Variants in AGAP3 observed in about 807,000 individuals in gnomAD.
AGAP3 encodes the protein ArfGAP with GTPase domain, ankyrin repeat and PH domain 3.
In AGAP3, 24 loss-of-function variants were observed where a neutral mutation model predicts 96.9. The ratio of observed to expected loss-of-function variants is 0.25; its 90% CI spans 0.18 to 0.35. The LOEUF (loss-of-function observed/expected upper bound fraction) is 0.35, where lower values mean the gene tolerates loss of function less well. Among genes scored for constraint, AGAP3 ranks in the 10% least tolerant of loss-of-function variants. The pLI is 1.00. For missense variants in AGAP3, 876 were observed against 1,254.2 expected (o/e 0.70, Z 4.55); for synonymous variants, 563 against 536.1 (o/e 1.05, Z -0.69).
intron 9 of AGAP3, among the ~76,000 whole-genome samples, chr7:151,127,437 G>C (rs1800225258): frequency 6.6e-6 from 1 of 152,160 alleles, no homozygotes; most frequent in East Asian, 1.9e-4. Context: ...CCCAGCTGAG[G>C]GTGAGCCCCA....
At chr7:151,120,276 A>G (rs1196050815) in intron 8 of AGAP3, 131 bp downstream of exon 8, 1 of 982,318 alleles carries the variant, frequency 1.0e-6, no homozygotes, top group African/African-American at 1.6e-5. Flanking sequence ...TCTCCCTCAG[A>G]TACACACGGC....
At chr7:151,132,001 C>T (rs764755288) in intron 10 of AGAP3, among the ~76,000 whole-genome samples, 1 of 152,170 alleles carries the variant, frequency 6.6e-6, no homozygotes, top group Non-Finnish European at 1.5e-5. Flanking sequence ...CAGGGACTGC[C>T]GACGGGGACC....
chr7:151,090,002 T>G (rs533871249), intron 1 of AGAP3: 2 of 152,148 alleles, frequency 1.3e-5, no homozygotes, highest in Non-Finnish European at 2.9e-5. Flanking sequence ...ACAGCTTGGG[T>G]TTCCTGGCTG....
In AGAP3 at chr7:151,108,682, T is replaced by C. The variant is rs1410652560; in HGVS notation, c.332-8111T>C. Among the ~76,000 whole-genome samples the C allele has an allele frequency of 6.6e-6, 1 of 152,216 alleles. No individual in the cohort carries two copies. The highest frequency in any genetic ancestry group is 6.5e-5 in the Admixed American group (1 of 15,292). On this transcript the variant is annotated intron_variant, in intron 1 of 17. Transcript: ENST00000397238. The surrounding 1 kb of genome is among the most constrained non-coding windows in gnomAD (Gnocchi z 4.2). ...GAGACTTCAGTCTGCTTGCCCTGAA[T>C]GCACTTAGTAAGCACTCAAAAAATA...
chr7:151,123,173 G>T, intron 8 of AGAP3: 2 of 1,073,532 alleles, frequency 1.9e-6, no homozygotes, highest in African/African-American at 1.7e-5. Context: ...GACCTCTGCC[G>T]TTCCTGCTCC....
Position 151,118,449 on chromosome 7 carries a change from A to G in AGAP3, c.842-56A>G, listed in dbSNP as rs1247585594. The G allele has an allele frequency of 1.2e-6, 2 of 1,603,926 alleles. No individual in the cohort carries two copies. Among genetic ancestry groups the G allele is most frequent in the African/African-American group, 2.7e-5 (2 of 74,760 alleles). On this transcript the variant is annotated intron_variant, in intron 6 of 17. Transcript: ENST00000397238. This position sits in a 1 kb window ranked among gnomAD's most constrained non-coding sequence, Gnocchi z 6.1. ...GCTGTGTGTCTGGGGGGAGGTGCTA[A>G]GCCAGGCTTTTCCCTTCTCTCCAGT...
intron 1 of AGAP3, among the ~76,000 whole-genome samples, chr7:151,103,555 T>G (rs1416545916): frequency 6.6e-6 from 1 of 152,128 alleles, no homozygotes; most frequent in Non-Finnish European, 1.5e-5. Context: ...CTCACATATG[T>G]TTTTTCAGCA....
chr7:151,120,726 G>C, intron 8 of AGAP3: 1 of 1,212,620 alleles, frequency 8.2e-7, no homozygotes, highest in Non-Finnish European at 1.1e-6. Context: ...TCACCACGCT[G>C]CCTCGTTCCT....
intron 8 of AGAP3, chr7:151,122,605 C>G: frequency 8.9e-7 from 1 of 1,126,924 alleles, no homozygotes; most frequent in Non-Finnish European, 1.3e-6. Flanking sequence ...CCTCCTCCTC[C>G]TCTTCATCCC....
At chr7:151,134,379 T>C (rs1800511437) in intron 10 of AGAP3, 21 bp from the exon 11 acceptor site, 2 of 1,612,660 alleles carry the variant, frequency 1.2e-6, no homozygotes, top group Non-Finnish European at 1.7e-6. Flanking sequence ...TCTTCATCTG[T>C]CTCTCCCACC....
chr7:151,138,646 C>T (rs1050604930), intron 12 of AGAP3, among the ~76,000 whole-genome samples: 5 of 152,212 alleles, frequency 3.3e-5, no homozygotes, highest in East Asian at 1.9e-4. Flanking sequence ...CCCCAGGCGG[C>T]GCTGGTGGTG....
chr7:151,122,869 CAGATG>C, intron 8 of AGAP3: 5 of 1,587,396 alleles, frequency 3.1e-6, no homozygotes, highest in Non-Finnish European at 4.3e-6. Context: ...GGACTGCTCT[CAGATG>C]AGAAGCGGCC....
chr7:151,124,084 A>G (rs1800051754), intron 9 of AGAP3, among the ~76,000 whole-genome samples, 198 bp downstream of exon 9: 1 of 152,176 alleles, frequency 6.6e-6, no homozygotes, highest in Non-Finnish European at 1.5e-5. Flanking sequence ...CCTTCAGGCC[A>G]CGAGCTCTGC....
intron 12 of AGAP3, among the ~76,000 whole-genome samples, chr7:151,138,564 C>A (rs1800694966): frequency 6.6e-6 from 1 of 152,196 alleles, no homozygotes; most frequent in Admixed American, 6.5e-5. Context: ...TCCCCAGAGC[C>A]CCCATCTGCC....
At chr7:151,099,754 A>C (rs1402583429) in intron 1 of AGAP3, among the ~76,000 whole-genome samples, 2 of 152,244 alleles carry the variant, frequency 1.3e-5, no homozygotes, top group Non-Finnish European at 2.9e-5. Flanking sequence ...TCAGTCAGCA[A>C]AGCCACAGTC....
chr7:151,119,346 C>T (rs35523994), intron 7 of AGAP3: 18,872 of 157,638 alleles, frequency 0.12, 2,442 homozygotes, highest in African/African-American at 0.32. Flanking sequence ...GCATGCTTCC[C>T]GAGTCCTGGA....
At chr7:151,106,696 C>T (rs1206929256) in intron 1 of AGAP3, among the ~76,000 whole-genome samples, 1 of 152,086 alleles carries the variant, frequency 6.6e-6, no homozygotes, top group Non-Finnish European at 1.5e-5. Context: ...AGGCTGATCT[C>T]GAACTCCTGA....
rs774756782 is a variant in AGAP3 at position 151,143,399 on chromosome 7, C to T, written c.2332C>T (p.Leu778=). 5.0e-6 allele frequency: 8 copies of T among 1,614,120 alleles called. No individual in the cohort carries two copies. The South Asian group carries it at 5.5e-5, about 11-fold the overall frequency. ...KYEQKLFLAP[L]PSSDVPLGQQ... is the part of the protein sequence containing the mutation. ...TGAACAGAAGCTCTTCCTGGCCCCA[C>T]TGCCAAGCTCAGATGTGCCACTGGG... The change falls in exon 17 of 18, where the codon CTG becomes TTG. Residue 778 remains leucine, a synonymous_variant. Coordinates refer to ENST00000397238, the MANE Select transcript of AGAP3 (RefSeq NM_031946.7). The surrounding 1 kb of genome is among the most constrained non-coding windows in gnomAD (Gnocchi z 5.9).
In AGAP3 at chr7:151,117,576, C is replaced by T; in HGVS notation, c.565-60C>T. 1.9e-6 allele frequency: 3 copies of T among 1,611,594 alleles called. No individual in the cohort carries two copies. The South Asian group carries it at 3.3e-5, about 18-fold the overall frequency. On this transcript the variant is annotated intron_variant, in intron 4 of 17. Coordinates refer to ENST00000397238, the MANE Select transcript of AGAP3 (RefSeq NM_031946.7). The stretch of plus-strand genomic sequence containing the variant: ...AGAAGGGTCTACTTGAGTTCACCTG[C>T]CCTGCATGGGAGTTTGCCAGGTCCA...
Sources: gnomAD v4.1 joint callset for allele counts (sites outside exome capture counted in the v4.1 genomes callset) on GRCh38, gnomAD v4.1.1 for gene constraint, Gnocchi (gnomAD v3.1) non-coding constraint, MANE v1.5 for transcripts, NCBI Gene and HGNC (gene_info 2026-07-23, HGNC 2026-07-21) for gene names.